Variants in ETV5 observed in about 807,000 individuals in gnomAD.
ETV5 encodes the protein ETS variant transcription factor 5, also known as ETS translocation variant 5.
In ETV5, 10 loss-of-function variants were observed where a neutral mutation model predicts 70.0. The ratio of observed to expected loss-of-function variants is 0.14; its 90% CI spans 0.09 to 0.24. ETV5 has a LOEUF of 0.24. Ranked by LOEUF, ETV5 falls within the 10% of genes least tolerant of loss-of-function variation. The pLI is 1.00. For missense variants in ETV5, 453 were observed against 651.2 expected, an observed-to-expected ratio of 0.70 and a Z score of 3.31; for synonymous variants, 216 against 242.2, an observed-to-expected ratio of 0.89 and a Z score of 1.01.
chr3:186,058,165 AAAAGAAGG>A (rs200607895), intron 9 of ETV5, among the ~76,000 whole-genome samples: 1,611 of 151,810 alleles, frequency 0.011, 33 homozygotes, highest in African/African-American at 0.037. Flanking sequence ...CAAACGAAAT[AAAAGAAGG>A]CAAGGCAAAA....
At position 186,079,480 on chromosome 3, in the gene ETV5, C is replaced by G. The variant is rs1007758822; in HGVS notation, c.650+337G>C. On this transcript the variant is annotated intron_variant, in intron 7 of 12. Transcript: ENST00000306376. ...CAATTCTATTAATAGTAGGCAGCAT[C>G]CAATGAGGAGTCAGGAACCTGCCCT... is the stretch of plus-strand genomic sequence containing the variant. 11 of 285,796 alleles carry G rather than the reference C, an allele frequency of 3.8e-5. No individual in the cohort carries two copies. In the East Asian group the frequency reaches 4.8e-4, roughly 13 times the overall value. The allele number at this position is 285,796 out of a possible 1,614,324, so 17.7% of individuals were successfully genotyped here.
Position 186,058,612 on chromosome 3 carries a change from C to T in ETV5, c.971-1121G>A, listed in dbSNP as rs190288592. Among the ~76,000 whole-genome samples, 12 of 152,088 alleles carry T rather than the reference C, an allele frequency of 7.9e-5. No homozygotes were observed. In the East Asian group the frequency reaches 1.9e-3, roughly 24 times the overall value. Reference sequence around the variant, plus strand: ...CTTAAAAAATCCACGAGGCTGGGCACGGTGGTGAGCAATTATAATTCCATG... The same window carrying T: ...CTTAAAAAATCCACGAGGCTGGGCATGGTGGTGAGCAATTATAATTCCATG... On this transcript the variant is annotated intron_variant, in intron 9 of 12. Transcript: ENST00000306376.
intron 5 of ETV5, among the ~76,000 whole-genome samples, chr3:186,092,029 G>A (rs1216974633): frequency 1.3e-5 from 2 of 152,220 alleles, no homozygotes; most frequent in Non-Finnish European, 1.5e-5. Context: ...ACCTTTTGGG[G>A]AAGATTTTTG....
chr3:186,106,664 A>T (rs1714595234), intron 1 of ETV5, among the ~76,000 whole-genome samples: 1 of 152,220 alleles, frequency 6.6e-6, no homozygotes, highest in Admixed American at 6.5e-5. Flanking sequence ...CATGTGGTAC[A>T]ATGCATCTCT....
intron 1 of ETV5, among the ~76,000 whole-genome samples, chr3:186,107,656 C>T (rs1203223320): frequency 1.3e-5 from 2 of 152,218 alleles, no homozygotes; most frequent in African/African-American, 4.8e-5. Flanking sequence ...AAACCACTTC[C>T]TTTGCCCCCC....
At chr3:186,048,941 C>T (rs1245578848) in intron 12 of ETV5, 81 bp from the exon 13 acceptor site, 7 of 1,220,652 alleles carry the variant, frequency 5.7e-6, no homozygotes, top group Non-Finnish European at 8.2e-6. Flanking sequence ...ATTCCTAAGT[C>T]ACAAAGCCAG....
In ETV5 at chr3:186,048,790, T is replaced by C; in HGVS notation, c.1382A>G (p.Asp461Gly). The change falls in exon 13 of 13, where the codon GAT (aspartate) becomes GGT (glycine). Residue 461 changes from aspartate to glycine, a missense_variant. Asp to Gly is a moderately conservative substitution (Grantham distance 94). This residue lies in a region of ETV5 where 74 missense variants were observed against 95.2 expected (regional missense o/e 0.78). Coordinates refer to ENST00000306376, the MANE Select transcript of ETV5 (RefSeq NM_004454.3). ...PDALFSMAFP[D>G]NQRPFLKAES... The stretch of plus-strand genomic sequence containing the variant: ...TGCCTTCAGGAACGGACGCTGGTTA[T>C]CCGGGAAAGCCATGGAGAAGAGGGC... 1 of 1,614,106 alleles carries C rather than the reference T, an allele frequency of 6.2e-7. No homozygotes were observed. The highest frequency in any genetic ancestry group is 8.5e-7 in the Non-Finnish European group (1 of 1,180,012).
At chr3:186,062,501 A>G (rs1713329332) in intron 9 of ETV5, among the ~76,000 whole-genome samples, 2 of 152,168 alleles carry the variant, frequency 1.3e-5, no homozygotes, top group African/African-American at 2.4e-5. Context: ...GCGCGCCTGT[A>G]ATTCCATCTA....
Position 186,066,416 on chromosome 3 carries a change from A to G in ETV5, c.651-344T>C, listed in dbSNP as rs548487765. On this transcript the variant is annotated intron_variant, in intron 7 of 12. Transcript: ENST00000306376. ...TGCAAATAGCACTAACATATACATA[A>G]ATGTTTGTTCACTAGTTCATCCATT... is the stretch of plus-strand genomic sequence containing the variant. 2.0e-5 allele frequency among the ~76,000 whole-genome samples: 3 copies of G among 152,294 alleles called. No homozygotes were observed. In the South Asian group the frequency reaches 6.2e-4, roughly 32 times the overall value.
chr3:186,098,791 G>C (rs76282217), intron 5 of ETV5, among the ~76,000 whole-genome samples: 1,895 of 152,264 alleles, frequency 0.012, 33 homozygotes, highest in African/African-American at 0.043. Flanking sequence ...TTTAGCTCAT[G>C]GTTGTTTCCT....
At chr3:186,098,799 C>G (rs2150154275) in intron 5 of ETV5, among the ~76,000 whole-genome samples, 2 of 152,268 alleles carry the variant, frequency 1.3e-5, no homozygotes, top group East Asian at 1.9e-4. Flanking sequence ...ATGGTTGTTT[C>G]CTTTTTTTCA....
At chr3:186,072,865 TG>T (rs1481017164) in intron 7 of ETV5, among the ~76,000 whole-genome samples, 4 of 152,210 alleles carry the variant, frequency 2.6e-5, no homozygotes, top group African/African-American at 7.2e-5. Flanking sequence ...CTGGGCGTGG[TG>T]GTGCACACCT....
At chr3:186,075,161 A>T (rs1713750965) in intron 7 of ETV5, among the ~76,000 whole-genome samples, 2 of 152,190 alleles carry the variant, frequency 1.3e-5, no homozygotes, top group Admixed American at 1.3e-4. Context: ...GAACTAAAAA[A>T]ACCTACGCAC....
chr3:186,079,978 G>A lies in ETV5; in HGVS notation c.489C>T (p.Ala163=), dbSNP rs1302107892. The A allele has an allele frequency of 6.3e-7, 1 of 1,592,964 alleles. No homozygotes were observed. The highest frequency in any genetic ancestry group is 1.2e-5 in the South Asian group (1 of 86,488). ...PQATLPTSGH[A]PAAGPVQGVG... ...CACCTTGAACTGGGCCAGCTGCAGG[G>A]GCATGCCCTGAGGTGGGCAGAGTTG... is the stretch of plus-strand genomic sequence containing the variant. Residue 163 remains alanine, a synonymous_variant, in exon 7 of 13, where the codon GCC becomes GCT. Transcript: ENST00000306376.
chr3:186,076,671 T>A (rs1713797877), intron 7 of ETV5: 1 of 186,722 alleles, frequency 5.4e-6, no homozygotes, highest in African/African-American at 2.3e-5. Context: ...TCAATAAACA[T>A]ATACTGAGGA....
chr3:186,048,762 C>T lies in ETV5; in HGVS notation c.1410G>A (p.Glu470=). Residue 470 remains glutamate, a synonymous_variant, in exon 13 of 13, where the codon GAG becomes GAA. Transcript: ENST00000306376. ...CCTCCTCGCTGAGGTGGCACTCGGA[C>T]TCTGCCTTCAGGAACGGACGCTGGT... The part of the protein sequence containing the change: ...PDNQRPFLKA[E]SECHLSEEDT... 6.2e-7 allele frequency: 1 copy of T among 1,614,152 alleles called. No homozygotes were observed. Among genetic ancestry groups the T allele is most frequent in the Non-Finnish European group, 8.5e-7 (1 of 1,180,024 alleles).
chr3:186,088,017 A>G (rs985078244), intron 5 of ETV5, among the ~76,000 whole-genome samples: 13 of 152,214 alleles, frequency 8.5e-5, no homozygotes, highest in Non-Finnish European at 1.3e-4. Flanking sequence ...GAAGGGAAGA[A>G]GGACTAAGCC....
chr3:186,105,989 G>T lies in ETV5; in HGVS notation c.-74-47C>A. ...TTTTAACTAAGAGGGGGGAAAAAAAGAAATGAAACAATTTTAGACTGCCTT... is the reference window on the plus strand; with the variant it reads ...TTTTAACTAAGAGGGGGGAAAAAAATAAATGAAACAATTTTAGACTGCCTT... On this transcript the variant is annotated intron_variant, in intron 1 of 12. Transcript: ENST00000306376. The surrounding 1 kb of genome is among the most constrained non-coding windows in gnomAD (Gnocchi z 4.5). 1 of 1,369,990 alleles carries T rather than the reference G, an allele frequency of 7.3e-7. No individual in the cohort carries two copies. The highest frequency in any genetic ancestry group is 1.3e-5 in the South Asian group (1 of 78,092). The allele number at this position is 1,369,990 out of a possible 1,614,324, so 84.9% of individuals were successfully genotyped here.
chr3:186,060,889 A>C (rs1713287184), intron 9 of ETV5, among the ~76,000 whole-genome samples: 1 of 151,900 alleles, frequency 6.6e-6, no homozygotes, highest in South Asian at 2.1e-4. Flanking sequence ...CTCTTCCCCC[A>C]CTCCCTCCTA....
Sources: gnomAD v4.1 joint callset for allele counts (sites outside exome capture counted in the v4.1 genomes callset) on GRCh38, gnomAD v4.1.1 for gene constraint, gnomAD v4.1.1 regional missense constraint, Gnocchi (gnomAD v3.1) non-coding constraint, MANE v1.5 for transcripts, NCBI Gene and HGNC (gene_info 2026-07-23, HGNC 2026-07-21) for gene names.